MAGI2: variants seen among roughly 807,000 people sequenced by gnomAD.
MAGI2 encodes membrane associated guanylate kinase, WW and PDZ domain containing 2, also known as membrane-associated guanylate kinase, WW and PDZ domain-containing protein 2.
MAGI2 carries 35 observed loss-of-function variants against 133.3 expected under a neutral mutation model. That is an observed-to-expected ratio of 0.26 (90% CI 0.20 to 0.35). MAGI2 has a LOEUF of 0.35. MAGI2 is among the 10% of genes least tolerant of loss of function. The probability of loss-of-function intolerance (pLI) is 1.00; values close to 1 mark genes in which losing one functional copy is unlikely to be tolerated. For missense variants in MAGI2, 1,636 were observed against 1,863.4 expected (o/e 0.88, Z 2.25); for synonymous variants, 729 against 710.6 (o/e 1.03, Z -0.41).
At position 79,201,799 on chromosome 7, in the gene MAGI2, TTACC is replaced by T. The variant is rs986209015; in HGVS notation, c.302-194597_302-194594del. Among the ~76,000 whole-genome samples, 13 of 152,170 alleles carry T rather than the reference TTACC, an allele frequency of 8.5e-5. No individual in the cohort carries two copies. The East Asian group carries it at 2.3e-3, about 27-fold the overall frequency. The stretch of plus-strand genomic sequence containing the variant: ...AACACTTTAAAATTGTTGTCCATGT[TTACC>T]TAACATCTAATAGTTCAAATTATGT... On this transcript the variant is annotated intron_variant, in intron 1 of 21. Transcript: ENST00000354212.
At chr7:78,083,868 A>G (rs903126718) in intron 20 of MAGI2, among the ~76,000 whole-genome samples, 1 of 152,226 alleles carries the variant, frequency 6.6e-6, no homozygotes, top group African/African-American at 2.4e-5. Context: ...TGTTGTTAAT[A>G]GTTCAGGTTG....
intron 16 of MAGI2, 153 bp downstream of exon 16, chr7:78,159,872 G>T: frequency 1.1e-6 from 1 of 945,262 alleles, no homozygotes; most frequent in Non-Finnish European, 1.5e-6. Flanking sequence ...CTAGTCAGTG[G>T]TATGGATGCC....
At chr7:79,265,218 A>T (rs535808507) in intron 1 of MAGI2, among the ~76,000 whole-genome samples, 1 of 152,278 alleles carries the variant, frequency 6.6e-6, no homozygotes, top group African/African-American at 2.4e-5. Flanking sequence ...GCACATTCTC[A>T]TTCAGACTCC....
intron 6 of MAGI2, among the ~76,000 whole-genome samples, chr7:78,402,334 ATG>A (rs1166777366): frequency 8.3e-5 from 3 of 36,014 alleles, no homozygotes; most frequent in Middle Eastern, 0.011. Context: ...TAGGGTGTGT[ATG>A]TGTGTGTGTC....
intron 1 of MAGI2, among the ~76,000 whole-genome samples, chr7:79,154,651 T>G (rs73369398): frequency 5.3e-5 from 8 of 152,110 alleles, no homozygotes; most frequent in Admixed American, 6.6e-5. Flanking sequence ...AAGCTGGCAA[T>G]AACATTACCT....
At chr7:78,172,190 A>T (rs1402392956) in intron 14 of MAGI2, among the ~76,000 whole-genome samples, 2 of 152,224 alleles carry the variant, frequency 1.3e-5, no homozygotes, top group Non-Finnish European at 2.9e-5. Flanking sequence ...AACAAGTAAG[A>T]CACACACAAA....
chr7:78,267,405 A>G (rs1272603158), intron 9 of MAGI2, among the ~76,000 whole-genome samples: 2 of 152,230 alleles, frequency 1.3e-5, no homozygotes, highest in African/African-American at 4.8e-5. Context: ...TAAAAGGGAA[A>G]TAGACTTGGC....
chr7:78,372,677 T>C (rs12534815), intron 6 of MAGI2, among the ~76,000 whole-genome samples: 8,121 of 152,242 alleles, frequency 0.053, 294 homozygotes, highest in Middle Eastern at 0.12. Flanking sequence ...ATTCCTACCA[T>C]GAAAAAGTCT....
chr7:79,022,267 C>T (rs1237034344), intron 1 of MAGI2, among the ~76,000 whole-genome samples: 5 of 152,070 alleles, frequency 3.3e-5, no homozygotes, highest in African/African-American at 9.7e-5. Context: ...CAACTTGCTC[C>T]TGAATGACTT....
chr7:78,576,501 A>G (rs1441390218), intron 3 of MAGI2, among the ~76,000 whole-genome samples: 2 of 151,936 alleles, frequency 1.3e-5, no homozygotes, highest in Non-Finnish European at 2.9e-5. Context: ...GGCAGGTCAT[A>G]TAAACCAGAA....
At chr7:78,205,024 T>C (rs887355583) in intron 10 of MAGI2, among the ~76,000 whole-genome samples, 3 of 152,198 alleles carry the variant, frequency 2.0e-5, no homozygotes, top group Admixed American at 6.5e-5. Flanking sequence ...AGACACACAT[T>C]GCAAATTGTT....
At chr7:78,482,869 A>G (rs898279475) in intron 6 of MAGI2, among the ~76,000 whole-genome samples, 1 of 132,684 alleles carries the variant, frequency 7.5e-6, no homozygotes, top group Non-Finnish European at 1.6e-5. Context: ...TGATATCATC[A>G]CATGGAACTA....
At chr7:78,631,091 A>AT (rs1808945936) in intron 2 of MAGI2, among the ~76,000 whole-genome samples, 1 of 152,024 alleles carries the variant, frequency 6.6e-6, no homozygotes, top group African/African-American at 2.4e-5. Context: ...ATTGTTTGAG[A>AT]TTTTCCAAGC....
rs1430948389 is a variant in MAGI2 at position 78,543,880 on chromosome 7, A to G, written c.539-22235T>C. On this transcript the variant is annotated intron_variant, in intron 3 of 21. Transcript: ENST00000354212. ...TGTAGAACACTGGGAATCCATTGCC[A>G]CTAAGGTAGATAATTATTCATTTAA... Among the ~76,000 whole-genome samples the G allele has an allele frequency of 2.6e-5, 4 of 152,252 alleles. 1 individual carries two copies. Among genetic ancestry groups the G allele is most frequent in the African/African-American group, 9.6e-5 (4 of 41,472 alleles).
At chr7:78,053,399 G>T (rs955738662) in intron 21 of MAGI2, among the ~76,000 whole-genome samples, 1 of 152,212 alleles carries the variant, frequency 6.6e-6, no homozygotes, top group Non-Finnish European at 1.5e-5. Flanking sequence ...GGAATTCAGC[G>T]GGAGGGGCCG....
In MAGI2 at chr7:78,678,169, A is replaced by G. The variant is rs550348310; in HGVS notation, c.419-50930T>C. Among the ~76,000 whole-genome samples the G allele has an allele frequency of 2.0e-5, 3 of 152,260 alleles. No individual in the cohort carries two copies. The East Asian group carries it at 5.8e-4, about 29-fold the overall frequency. ...TAACTAGTGGAAAACTAATTTCGAA[A>G]TCCAAAGGGGTTTTCATGAATTTCA... On this transcript the variant is annotated intron_variant, in intron 2 of 21. Coordinates refer to ENST00000354212, the MANE Select transcript of MAGI2 (RefSeq NM_012301.4).
Position 79,290,749 on chromosome 7 carries a change from C to G in MAGI2, c.301+162271G>C, listed in dbSNP as rs906606364. Among the ~76,000 whole-genome samples the G allele has an allele frequency of 2.0e-5, 3 of 152,008 alleles. No individual in the cohort carries two copies. The South Asian group carries it at 6.2e-4, about 31-fold the overall frequency. ...ATAAAACCCTTTGAACTCCTACATC[C>G]AAACAACTATTAAGTCATCATGAAT... On this transcript the variant is annotated intron_variant, in intron 1 of 21. Coordinates refer to ENST00000354212, the MANE Select transcript of MAGI2 (RefSeq NM_012301.4).
At chr7:79,088,178 G>A (rs995143075) in intron 1 of MAGI2, among the ~76,000 whole-genome samples, 1 of 151,996 alleles carries the variant, frequency 6.6e-6, no homozygotes, top group Non-Finnish European at 1.5e-5. Context: ...TTGAGCAATA[G>A]TTAGTAGTTC....
chr7:79,415,940 C>G (rs558439918), intron 1 of MAGI2, among the ~76,000 whole-genome samples: 2 of 152,136 alleles, frequency 1.3e-5, no homozygotes, highest in South Asian at 4.2e-4. Flanking sequence ...AACCTTAAAA[C>G]TTAGTAAGAA....
Sources: allele counts gnomAD v4.1 joint callset (sites outside exome capture counted in the v4.1 genomes callset), GRCh38; gene constraint gnomAD v4.1.1; transcripts MANE v1.5; gene names NCBI Gene and HGNC (gene_info 2026-07-23, HGNC 2026-07-21).